Variants in CCDC192 observed in about 807,000 individuals in gnomAD.
CCDC192 encodes the protein coiled-coil domain-containing protein 192.
At chr5:127,737,134 T>G (rs1753061439) in intron 2 of CCDC192, among the ~76,000 whole-genome samples, 1 of 151,836 alleles carries the variant, frequency 6.6e-6, no homozygotes, top group African/African-American at 2.4e-5. Flanking sequence ...GTTGTGTCTT[T>G]GTTCTCGTTG....
At chr5:127,775,718 A>C (rs556535200) in intron 3 of CCDC192, among the ~76,000 whole-genome samples, 2 of 152,272 alleles carry the variant, frequency 1.3e-5, no homozygotes, top group African/African-American at 4.8e-5. Flanking sequence ...TAGCTCCCAT[A>C]ATTCCCACAT....
intron 6 of CCDC192, among the ~76,000 whole-genome samples, chr5:127,921,537 T>C (rs1312778459): frequency 6.6e-6 from 1 of 152,228 alleles, no homozygotes; most frequent in Non-Finnish European, 1.5e-5. Flanking sequence ...TGCATTATGT[T>C]AAGTATTAAA....
At chr5:127,765,738 G>T (rs1755185228) in intron 3 of CCDC192, among the ~76,000 whole-genome samples, 1 of 152,258 alleles carries the variant, frequency 6.6e-6, no homozygotes, top group Admixed American at 6.5e-5. Flanking sequence ...TCCAAAGAGG[G>T]GAGCCTCATC....
intron 3 of CCDC192, among the ~76,000 whole-genome samples, chr5:127,757,831 ATGTG>A (rs150942058): frequency 2.9e-5 from 4 of 139,286 alleles, no homozygotes; most frequent in Middle Eastern, 4.0e-3. Flanking sequence ...ATCTGTGTGT[ATGTG>A]TGTGTGTGTG....
In CCDC192 at chr5:127,705,199, A is replaced by G. The variant is rs182479967; in HGVS notation, c.62+1692A>G. On this transcript the variant is annotated intron_variant, in intron 1 of 6. Transcript: ENST00000514853. ...CTAAAGCTTTCTTCCCCCCTTAATT[A>G]TTGTACAACATGACTTCTCCTGTGT... Among the ~76,000 whole-genome samples the G allele has an allele frequency of 5.3e-5, 8 of 152,256 alleles. 1 individual carries two copies. Among genetic ancestry groups the G allele is most frequent in the Admixed American group, 5.2e-4 (8 of 15,294 alleles).
At chr5:127,732,517 C>A (rs970638843) in intron 2 of CCDC192, among the ~76,000 whole-genome samples, 1 of 152,170 alleles carries the variant, frequency 6.6e-6, no homozygotes, top group South Asian at 2.1e-4. Flanking sequence ...GAATATAAAT[C>A]ATTCTATTAT....
At chr5:127,731,626 C>A (rs1008783549) in intron 2 of CCDC192, among the ~76,000 whole-genome samples, 2 of 152,124 alleles carry the variant, frequency 1.3e-5, no homozygotes, top group African/African-American at 4.8e-5. Flanking sequence ...TACTACAAGG[C>A]TACAGTAACC....
Position 127,754,259 on chromosome 5 carries a change from T to G in CCDC192, c.115-9T>G. ...CAAAAAGTAATACTTGATTTTTTTTTTTTTAAAGAAAGCGTCCCTGGATAC... is the reference window on the plus strand; with the variant it reads ...CAAAAAGTAATACTTGATTTTTTTTGTTTTAAAGAAAGCGTCCCTGGATAC... On this transcript the variant is annotated splice_polypyrimidine_tract_variant and intron_variant, in intron 2 of 6. Coordinates refer to ENST00000514853, the MANE Select transcript of CCDC192 (RefSeq NM_001317938.2). The G allele has an allele frequency of 5.0e-6, 2 of 398,776 alleles. No homozygotes were observed. Among genetic ancestry groups the G allele is most frequent in the East Asian group, 7.1e-5 (2 of 28,058 alleles). The allele number at this position is 398,776 out of a possible 1,614,324, so 24.7% of individuals were successfully genotyped here.
intron 5 of CCDC192, among the ~76,000 whole-genome samples, chr5:127,810,032 G>A (rs1054746034): frequency 6.6e-6 from 1 of 152,152 alleles, no homozygotes; most frequent in Non-Finnish European, 1.5e-5. Context: ...TCTACAATTT[G>A]AAAGATGTTC....
At chr5:127,773,524 T>C (rs191801989) in intron 3 of CCDC192, among the ~76,000 whole-genome samples, 2 of 152,356 alleles carry the variant, frequency 1.3e-5, no homozygotes, top group East Asian at 3.9e-4. Flanking sequence ...TGAAAGGATT[T>C]ATCTAATATG....
At chr5:127,899,412 C>T (rs920781439) in intron 6 of CCDC192, among the ~76,000 whole-genome samples, 4 of 152,072 alleles carry the variant, frequency 2.6e-5, no homozygotes, top group African/African-American at 7.2e-5. Flanking sequence ...GGAGAGGAAA[C>T]GTTTGGAGAG....
At chr5:127,756,508 T>C (rs1291705074) in intron 3 of CCDC192, among the ~76,000 whole-genome samples, 1 of 152,194 alleles carries the variant, frequency 6.6e-6, no homozygotes, top group Non-Finnish European at 1.5e-5. Flanking sequence ...GCAGAACTGG[T>C]TGGGGCAGAT....
intron 6 of CCDC192, among the ~76,000 whole-genome samples, chr5:127,877,777 C>G (rs896543662): frequency 6.6e-6 from 1 of 152,166 alleles, no homozygotes. Flanking sequence ...ACAATGAGGG[C>G]TGGCCCACCC....
Position 127,910,554 on chromosome 5 carries a change from G to C in CCDC192, c.536-30628G>C, listed in dbSNP as rs567580322. On this transcript the variant is annotated intron_variant, in intron 6 of 6. Coordinates refer to ENST00000514853, the MANE Select transcript of CCDC192 (RefSeq NM_001317938.2). ...AAATCCATACAGCCATAAACTCCCA[G>C]TGTTGAATTAGTGATTGTTCAGAAC... 3.9e-5 allele frequency among the ~76,000 whole-genome samples: 6 copies of C among 152,322 alleles called. No individual in the cohort carries two copies. In the South Asian group the frequency reaches 1.2e-3, roughly 32 times the overall value.
intron 2 of CCDC192, among the ~76,000 whole-genome samples, chr5:127,726,679 C>A (rs1384185253): frequency 6.6e-6 from 1 of 152,196 alleles, no homozygotes; most frequent in Non-Finnish European, 1.5e-5. Flanking sequence ...TGAGGCTGGA[C>A]CTCGACCCAT....
intron 2 of CCDC192, among the ~76,000 whole-genome samples, chr5:127,742,718 A>G (rs1753491992): frequency 6.6e-6 from 1 of 152,150 alleles, no homozygotes; most frequent in Non-Finnish European, 1.5e-5. Context: ...TCCATGTACC[A>G]CCATCATTTG....
chr5:127,767,846 G>A (rs1382466125), intron 3 of CCDC192, among the ~76,000 whole-genome samples: 3 of 152,144 alleles, frequency 2.0e-5, no homozygotes, highest in Non-Finnish European at 4.4e-5. Context: ...TAACGTGAGG[G>A]TGTTATGGAT....
chr5:127,835,166 A>G (rs1341942479), intron 5 of CCDC192, among the ~76,000 whole-genome samples: 1 of 152,202 alleles, frequency 6.6e-6, no homozygotes, highest in Non-Finnish European at 1.5e-5. Flanking sequence ...TGTGTTAGGT[A>G]TTGATAAACT....
intron 2 of CCDC192, among the ~76,000 whole-genome samples, chr5:127,718,118 T>A (rs540629471): frequency 4.7e-4 from 71 of 152,222 alleles, no homozygotes; most frequent in South Asian, 1.2e-3. Flanking sequence ...GAAGTGTCCT[T>A]TAGAAAATGA....
Sources: gnomAD v4.1 joint callset for allele counts (sites outside exome capture counted in the v4.1 genomes callset) on GRCh38, gnomAD v4.1.1 for gene constraint, MANE v1.5 for transcripts, NCBI Gene and HGNC (gene_info 2026-07-23, HGNC 2026-07-21) for gene names.